KCNH5: variants seen among roughly 807,000 people sequenced by gnomAD.
The protein encoded by KCNH5 is potassium voltage-gated channel subfamily H member 5, also known as voltage-gated delayed rectifier potassium channel KCNH5.
Under a neutral mutation model 96.1 loss-of-function variants are expected in KCNH5, and 46 were observed. The ratio of observed to expected loss-of-function variants is 0.48; its 90% CI spans 0.38 to 0.61. The LOEUF (loss-of-function observed/expected upper bound fraction) is 0.61. Among genes scored for constraint, KCNH5 ranks in the 20% least tolerant of loss-of-function variants. The pLI, the probability that KCNH5 is intolerant of heterozygous loss-of-function variation, is 0.00. For missense variants in KCNH5, 907 were observed against 1,225.8 expected, an observed-to-expected ratio of 0.74 and a Z score of 3.88; for synonymous variants, 439 against 449.8, an observed-to-expected ratio of 0.98 and a Z score of 0.30.
intron 7 of KCNH5, among the ~76,000 whole-genome samples, chr14:62,876,333 T>C (rs1001751641): frequency 2.0e-5 from 3 of 152,218 alleles, no homozygotes; most frequent in Non-Finnish European, 4.4e-5. Context: ...ACTTCTATTA[T>C]ATATTTTGTT....
intron 10 of KCNH5, among the ~76,000 whole-genome samples, chr14:62,721,474 C>A (rs1300509612): frequency 8.0e-6 from 1 of 124,604 alleles, no homozygotes; most frequent in Non-Finnish European, 1.7e-5. Context: ...CATCATGTTT[C>A]TTTCTCTCTC....
At chr14:62,908,592 A>G (rs1196216285) in intron 7 of KCNH5, among the ~76,000 whole-genome samples, 3 of 152,092 alleles carry the variant, frequency 2.0e-5, no homozygotes, top group African/African-American at 7.2e-5. Context: ...AAGGGACATA[A>G]AGCTGCAAAC....
Position 62,878,207 on chromosome 14 carries a change from G to T in KCNH5, c.1370-28355C>A, listed in dbSNP as rs557458376. Among the ~76,000 whole-genome samples the T allele has an allele frequency of 3.1e-5, 4 of 130,492 alleles. 1 individual carries two copies. The highest frequency in any genetic ancestry group is 1.0e-4 in the African/African-American group (3 of 30,010). 85.6% of individuals were successfully genotyped at this position (130,492 alleles called of 152,430 possible). On this transcript the variant is annotated intron_variant, in intron 7 of 10. Coordinates refer to ENST00000322893, the MANE Select transcript of KCNH5 (RefSeq NM_139318.5). Reference sequence around the variant, plus strand: ...CTGGGGACTGTTGTGGGGATGGGGGGGGGGGCGGAGGGATAGCATTAGGAG... The same window carrying T: ...CTGGGGACTGTTGTGGGGATGGGGGTGGGGGCGGAGGGATAGCATTAGGAG...
intron 7 of KCNH5, among the ~76,000 whole-genome samples, chr14:62,946,697 TTAAACAGTAGTACATCC>T (rs1889893797): frequency 6.6e-6 from 1 of 152,048 alleles, no homozygotes; most frequent in African/African-American, 2.4e-5. Context: ...AGATGGTGAG[TTAAACAGTAGTACATCC>T]TAACCATGAA....
chr14:62,960,452 C>A (rs1007627724), intron 6 of KCNH5, among the ~76,000 whole-genome samples: 9 of 152,170 alleles, frequency 5.9e-5, no homozygotes, highest in Middle Eastern at 3.4e-3. Context: ...ATATATAAAT[C>A]TCTCATAATA....
chr14:62,806,894 G>T (rs1171387438), intron 8 of KCNH5, among the ~76,000 whole-genome samples: 2 of 152,142 alleles, frequency 1.3e-5, no homozygotes, highest in Non-Finnish European at 2.9e-5. Flanking sequence ...ATGGCTGTGG[G>T]TGACAGGGTT....
chr14:62,817,275 C>T (rs1461921806), intron 8 of KCNH5, among the ~76,000 whole-genome samples: 3 of 127,052 alleles, frequency 2.4e-5, no homozygotes, highest in Non-Finnish European at 4.9e-5. Context: ...TATATATATA[C>T]ACACACACAC....
At chr14:62,892,962 C>T (rs1888741553) in intron 7 of KCNH5, among the ~76,000 whole-genome samples, 1 of 152,102 alleles carries the variant, frequency 6.6e-6, no homozygotes, top group African/African-American at 2.4e-5. Context: ...TGTTTTCATA[C>T]CTGCTAACAC....
At chr14:62,786,147 C>T (rs368589378) in intron 9 of KCNH5, among the ~76,000 whole-genome samples, 4 of 152,232 alleles carry the variant, frequency 2.6e-5, no homozygotes, top group East Asian at 1.9e-4. Flanking sequence ...GCCGAGATCA[C>T]GCCACTGCTC....
In KCNH5 at chr14:62,699,495, T is replaced by C. The variant is rs1884313143; in HGVS notation, c.*8013A>G. On this transcript the variant is annotated 3_prime_UTR_variant, in exon 11 of 11. Transcript: ENST00000322893. ...AAAATGCACATTTTATTCTGTATCA[T>C]GAAAAAATATCCACATTTAAATAAA... 1 of 152,148 alleles carries C rather than the reference T, an allele frequency of 6.6e-6. No homozygotes were observed. The highest frequency in any genetic ancestry group is 2.1e-4 in the South Asian group (1 of 4,834). The allele number at this position is 152,148 out of a possible 1,614,324, so 9.4% of individuals were successfully genotyped here. A position where few individuals can be genotyped will look rare whatever the true frequency, so the allele number is the denominator to read the frequency against.
chr14:62,924,037 A>G (rs1220545760), intron 7 of KCNH5, among the ~76,000 whole-genome samples: 3 of 152,038 alleles, frequency 2.0e-5, no homozygotes, highest in Non-Finnish European at 4.4e-5. Flanking sequence ...AAGGCGACCT[A>G]CAGAATGGGA....
intron 8 of KCNH5, among the ~76,000 whole-genome samples, chr14:62,820,227 A>T (rs961386937): frequency 6.6e-6 from 1 of 152,186 alleles, no homozygotes; most frequent in Admixed American, 6.6e-5. Flanking sequence ...AAGCAAAGTG[A>T]AACTAATCAA....
chr14:62,846,248 T>C (rs1181017611), intron 8 of KCNH5, among the ~76,000 whole-genome samples: 2 of 152,192 alleles, frequency 1.3e-5, no homozygotes, highest in Non-Finnish European at 2.9e-5. Context: ...TGTCCTCAGA[T>C]CGTTTTTCTC....
At chr14:62,748,452 C>G (rs956233428) in intron 10 of KCNH5, among the ~76,000 whole-genome samples, 10 of 152,100 alleles carry the variant, frequency 6.6e-5, no homozygotes, top group African/African-American at 2.4e-4. Flanking sequence ...CATCTAGAGG[C>G]TCGGAATGCC....
intron 6 of KCNH5, among the ~76,000 whole-genome samples, chr14:62,969,587 G>A (rs1385335276): frequency 6.6e-6 from 1 of 151,812 alleles, no homozygotes; most frequent in Non-Finnish European, 1.5e-5. Context: ...GGCCTGATGG[G>A]GGGCTGCCAG....
Position 62,765,869 on chromosome 14 carries a change from G to A in KCNH5, c.2019+13859C>T, listed in dbSNP as rs574100554. On this transcript the variant is annotated intron_variant, in intron 10 of 10. Coordinates refer to ENST00000322893, the MANE Select transcript of KCNH5 (RefSeq NM_139318.5). ...GATCACATCAAGTCAAAAAGCTTCT[G>A]CACAGCAAAGGATACAATCGACAAA... 1.2e-4 allele frequency among the ~76,000 whole-genome samples: 19 copies of A among 152,170 alleles called. No individual in the cohort carries two copies. The South Asian group carries it at 2.7e-3, about 22-fold the overall frequency.
intron 7 of KCNH5, among the ~76,000 whole-genome samples, chr14:62,865,582 T>C (rs2140060875): frequency 6.6e-6 from 1 of 152,306 alleles, no homozygotes; most frequent in South Asian, 2.1e-4. Context: ...AGCTACATTC[T>C]TGCAGACCTG....
At chr14:63,041,355 A>G (rs1891820959) in intron 1 of KCNH5, among the ~76,000 whole-genome samples, 1 of 152,172 alleles carries the variant, frequency 6.6e-6, no homozygotes, top group Non-Finnish European at 1.5e-5. Flanking sequence ...ATTTAAATAA[A>G]GGAAGGTATC....
At chr14:62,827,216 G>A (rs1381795654) in intron 8 of KCNH5, among the ~76,000 whole-genome samples, 1 of 152,138 alleles carries the variant, frequency 6.6e-6, no homozygotes, top group African/African-American at 2.4e-5. Context: ...TATATTCAGT[G>A]CTTACCAACA....
Sources: allele counts gnomAD v4.1 joint callset (sites outside exome capture counted in the v4.1 genomes callset), GRCh38; gene constraint gnomAD v4.1.1; transcripts MANE v1.5; gene names NCBI Gene and HGNC (gene_info 2026-07-23, HGNC 2026-07-21).